Variants in NMBR observed in about 807,000 individuals in gnomAD.
The protein encoded by NMBR is neuromedin B receptor, also known as neuromedin-B receptor.
In NMBR, 16 loss-of-function variants were observed where a neutral mutation model predicts 20.5. That is an observed-to-expected ratio of 0.78 (90% CI 0.53 to 1.19). The LOEUF (loss-of-function observed/expected upper bound fraction) is 1.19. NMBR is among the 50% of genes most tolerant of loss of function. The probability of loss-of-function intolerance (pLI) is 0.00; values close to 1 mark genes in which losing one functional copy is unlikely to be tolerated. For synonymous variants in NMBR, 212 were observed against 196.6 expected, an observed-to-expected ratio of 1.08 and a Z score of -0.65; for missense variants, 582 against 499.1, an observed-to-expected ratio of 1.17 and a Z score of -1.58.
chr6:142,094,749 T>G (rs900610763), intron 1 of NMBR, among the ~76,000 whole-genome samples: 59 of 152,236 alleles, frequency 3.9e-4, no homozygotes, highest in African/African-American at 1.2e-3. Context: ...GGGCAGTATG[T>G]CCATTTCCAC....
chr6:142,135,644 C>A (rs1019363434), intron 1 of NMBR, among the ~76,000 whole-genome samples: 26 of 142,288 alleles, frequency 1.8e-4, no homozygotes, highest in Admixed American at 1.3e-3. Context: ...ATCCCTCCCC[C>A]CTCGCCCCAC....
At chr6:142,115,387 T>A (rs1777833304) in intron 1 of NMBR, among the ~76,000 whole-genome samples, 1 of 151,964 alleles carries the variant, frequency 6.6e-6, no homozygotes, top group South Asian at 2.1e-4. Flanking sequence ...GGAGTTAGGA[T>A]TGGCTGAAGC....
intron 1 of NMBR, among the ~76,000 whole-genome samples, chr6:142,112,857 T>C (rs1777788879): frequency 7.5e-6 from 1 of 133,754 alleles, no homozygotes; most frequent in Non-Finnish European, 1.8e-5. Flanking sequence ...ATTACATTTA[T>C]ATAAATATGA....
At chr6:142,101,922 T>G (rs924789536) in intron 1 of NMBR, among the ~76,000 whole-genome samples, 7 of 152,084 alleles carry the variant, frequency 4.6e-5, no homozygotes, top group Non-Finnish European at 7.4e-5. Flanking sequence ...CATTCGACAC[T>G]CTAAAGATGG....
intron 1 of NMBR, among the ~76,000 whole-genome samples, chr6:142,092,981 T>C (rs907611952): frequency 1.3e-5 from 2 of 152,114 alleles, no homozygotes; most frequent in Non-Finnish European, 2.9e-5. Flanking sequence ...TGTAAACACA[T>C]AGTTTTAGGT....
At chr6:142,128,921 A>C (rs1422242071) in intron 1 of NMBR, among the ~76,000 whole-genome samples, 2 of 105,952 alleles carry the variant, frequency 1.9e-5, no homozygotes, top group Non-Finnish European at 4.8e-5. Context: ...AGAGCTTAAG[A>C]GGAATCAGTA....
intron 2 of NMBR, among the ~76,000 whole-genome samples, chr6:142,087,959 A>G (rs1427577264): frequency 6.6e-6 from 1 of 152,120 alleles, no homozygotes; most frequent in East Asian, 1.9e-4. Flanking sequence ...AATATTCCCT[A>G]AGTGTCGGAG....
chr6:142,138,634 T>A (rs1778313070), intron 1 of NMBR, among the ~76,000 whole-genome samples: 1 of 152,126 alleles, frequency 6.6e-6, no homozygotes, highest in African/African-American at 2.4e-5. Flanking sequence ...TAATATTTTA[T>A]CCTTATTTTT....
At chr6:142,081,104 A>T (rs1435016836) in intron 2 of NMBR, among the ~76,000 whole-genome samples, 1 of 152,188 alleles carries the variant, frequency 6.6e-6, no homozygotes, top group Non-Finnish European at 1.5e-5. Flanking sequence ...TTTTTTACAT[A>T]GATAGATCTT....
chr6:142,081,683 A>C (rs1289932606), intron 2 of NMBR, among the ~76,000 whole-genome samples: 1 of 152,228 alleles, frequency 6.6e-6, no homozygotes, highest in African/African-American at 2.4e-5. Context: ...AAAGCAAAAA[A>C]TAAAATGAGA....
intron 1 of NMBR, among the ~76,000 whole-genome samples, chr6:142,109,353 C>T (rs78028106): frequency 0.013 from 2,003 of 151,972 alleles, 57 homozygotes; most frequent in African/African-American, 0.045. Flanking sequence ...GATATAAGGT[C>T]AGAAGTAAGA....
chr6:142,092,084 C>T (rs1777336087), intron 1 of NMBR, among the ~76,000 whole-genome samples: 1 of 152,040 alleles, frequency 6.6e-6, no homozygotes, highest in South Asian at 2.1e-4. Context: ...TCGCTATTAT[C>T]ATTGTTATTT....
intron 1 of NMBR, among the ~76,000 whole-genome samples, chr6:142,097,469 CATAA>C (rs1206272606): frequency 1.3e-5 from 2 of 152,012 alleles, no homozygotes; most frequent in Non-Finnish European, 2.9e-5. Flanking sequence ...ACAAATCCAT[CATAA>C]ATAAAGTCAA....
chr6:142,086,382 C>T (rs1433704380), intron 2 of NMBR, among the ~76,000 whole-genome samples: 2 of 152,050 alleles, frequency 1.3e-5, no homozygotes, highest in Non-Finnish European at 2.9e-5. Flanking sequence ...GAAATCATAG[C>T]TTTTGGTGAG....
intron 1 of NMBR, among the ~76,000 whole-genome samples, chr6:142,136,631 C>A (rs1446632505): frequency 1.3e-5 from 2 of 152,130 alleles, no homozygotes; most frequent in Non-Finnish European, 2.9e-5. Context: ...GGTTTTAGGT[C>A]TAACATTTAA....
chr6:142,141,653 C>T (rs1475783183), intron 1 of NMBR, among the ~76,000 whole-genome samples: 1 of 151,746 alleles, frequency 6.6e-6, no homozygotes, highest in South Asian at 2.1e-4. Flanking sequence ...TACAGGCACC[C>T]GCCACTACAC....
At chr6:142,113,844 T>C (rs1339558634) in intron 1 of NMBR, among the ~76,000 whole-genome samples, 2 of 152,190 alleles carry the variant, frequency 1.3e-5, no homozygotes, top group Admixed American at 6.5e-5. Flanking sequence ...ACATAAAAGA[T>C]AACTGCCTGA....
chr6:142,093,712 C>A (rs992435791), intron 1 of NMBR, among the ~76,000 whole-genome samples: 30 of 152,026 alleles, frequency 2.0e-4, no homozygotes, highest in Non-Finnish European at 4.1e-4. Flanking sequence ...GTTCTAGATC[C>A]CTGAGGAATT....
At chr6:142,112,792 A>G (rs892724947) in intron 1 of NMBR, among the ~76,000 whole-genome samples, 4 of 152,206 alleles carry the variant, frequency 2.6e-5, no homozygotes, top group Non-Finnish European at 5.9e-5. Flanking sequence ...CTATTTAAGT[A>G]TAGGTACAGT....
Sources: gnomAD v4.1 joint callset for allele counts (sites outside exome capture counted in the v4.1 genomes callset) on GRCh38, gnomAD v4.1.1 for gene constraint, MANE v1.5 for transcripts, NCBI Gene and HGNC (gene_info 2026-07-23, HGNC 2026-07-21) for gene names.